Variants in LDB2 observed in about 807,000 individuals in gnomAD.
The protein encoded by LDB2 is LIM domain-binding protein 2.
Under a neutral mutation model 44.3 loss-of-function variants are expected in LDB2, and 12 were observed. The ratio of observed to expected loss-of-function variants is 0.27; its 90% CI spans 0.17 to 0.44. The LOEUF (loss-of-function observed/expected upper bound fraction) is 0.44, where lower values mean the gene tolerates loss of function less well. Ranked by LOEUF, LDB2 falls within the 20% of genes least tolerant of loss-of-function variation. The pLI is 1.00. For synonymous variants in LDB2, 164 were observed against 174.8 expected (o/e 0.94, Z 0.49); for missense variants, 344 against 473.5 (o/e 0.73, Z 2.54).
At position 16,817,292 on chromosome 4, in the gene LDB2, C is replaced by G. The variant is rs368117744; in HGVS notation, c.133-58032G>C. ...TAGAGAGATATAATTCCTATTCTCC[C>G]CAGTCTTCCGCATGATTTGATGTCA... On this transcript the variant is annotated intron_variant, in intron 1 of 7. Transcript: ENST00000304523. 1.6e-4 allele frequency among the ~76,000 whole-genome samples: 25 copies of G among 152,300 alleles called. No homozygotes were observed. In the Middle Eastern group the frequency reaches 0.01, roughly 62 times the overall value.
intron 2 of LDB2, among the ~76,000 whole-genome samples, chr4:16,669,693 G>C (rs567595509): frequency 5.9e-5 from 9 of 152,314 alleles, no homozygotes; most frequent in Non-Finnish European, 1.0e-4. Context: ...ATACTAATTA[G>C]TGACAGAGCC....
intron 2 of LDB2, among the ~76,000 whole-genome samples, chr4:16,694,506 CA>C (rs1468377122): frequency 6.6e-6 from 1 of 152,230 alleles, no homozygotes; most frequent in Non-Finnish European, 1.5e-5. Context: ...CAAAGCACAA[CA>C]GACTAAATTA....
chr4:16,808,542 C>CTG (rs1779207868), intron 1 of LDB2, among the ~76,000 whole-genome samples: 9 of 152,178 alleles, frequency 5.9e-5, no homozygotes, highest in African/African-American at 2.2e-4. Flanking sequence ...TTTCAATATA[C>CTG]CTTAAAACTG....
chr4:16,735,776 T>G (rs1179458515), intron 2 of LDB2, among the ~76,000 whole-genome samples: 1 of 152,170 alleles, frequency 6.6e-6, no homozygotes, highest in Non-Finnish European at 1.5e-5. Context: ...TACCTTCAGA[T>G]TAGTAAGCAC....
At chr4:16,867,103 A>G (rs1714979075) in intron 1 of LDB2, among the ~76,000 whole-genome samples, 1 of 152,162 alleles carries the variant, frequency 6.6e-6, no homozygotes, top group Non-Finnish European at 1.5e-5. Flanking sequence ...CCCAGCCTCC[A>G]TGCTGTGGGG....
chr4:16,673,404 C>T (rs1179128268), intron 2 of LDB2, among the ~76,000 whole-genome samples: 1 of 152,176 alleles, frequency 6.6e-6, no homozygotes, highest in Admixed American at 6.5e-5. Flanking sequence ...GTTACTCCTG[C>T]TGCTTCCGTG....
chr4:16,617,868 G>A (rs148365499), intron 2 of LDB2, among the ~76,000 whole-genome samples: 178 of 152,254 alleles, frequency 1.2e-3, no homozygotes, highest in African/African-American at 4.0e-3. Context: ...CACTAACCTG[G>A]CCTGTATTGA....
chr4:16,770,231 A>G (rs1770358386), intron 1 of LDB2, among the ~76,000 whole-genome samples: 1 of 152,178 alleles, frequency 6.6e-6, no homozygotes, highest in African/African-American at 2.4e-5. Context: ...TGTGTTTTAC[A>G]TGCACAGTAT....
intron 2 of LDB2, chr4:16,674,125 T>G: frequency 1.4e-6 from 1 of 703,232 alleles, no homozygotes. Context: ...AAGATTTCCC[T>G]GAGAATATTT....
At chr4:16,508,330 C>T (rs192529461) in intron 7 of LDB2, among the ~76,000 whole-genome samples, 2 of 152,290 alleles carry the variant, frequency 1.3e-5, no homozygotes, top group African/African-American at 4.8e-5. Context: ...ATATTCCTTT[C>T]TAATTCCCAG....
chr4:16,714,836 G>A (rs549751433), intron 2 of LDB2, among the ~76,000 whole-genome samples: 10 of 151,878 alleles, frequency 6.6e-5, no homozygotes, highest in Admixed American at 3.9e-4. Context: ...TGGCTTTCTC[G>A]TGGTCTTCCC....
chr4:16,772,944 G>A (rs1010866674), intron 1 of LDB2, among the ~76,000 whole-genome samples: 1 of 152,256 alleles, frequency 6.6e-6, no homozygotes, highest in African/African-American at 2.4e-5. Context: ...CCAAGACACA[G>A]ACAGAAGCCT....
chr4:16,710,763 C>T (rs1022961799), intron 2 of LDB2, among the ~76,000 whole-genome samples: 1 of 152,174 alleles, frequency 6.6e-6, no homozygotes, highest in African/African-American at 2.4e-5. Flanking sequence ...TATTGTTAGG[C>T]CAAGGGTCAT....
At chr4:16,687,451 C>CTTGG (rs1184034201) in intron 2 of LDB2, among the ~76,000 whole-genome samples, 4 of 152,186 alleles carry the variant, frequency 2.6e-5, no homozygotes, top group Non-Finnish European at 4.4e-5. Context: ...GCACCTTGAT[C>CTTGG]TTGGACTTCC....
intron 1 of LDB2, among the ~76,000 whole-genome samples, chr4:16,862,113 T>C (rs919532744): frequency 7.2e-5 from 11 of 152,182 alleles, no homozygotes; most frequent in African/African-American, 2.7e-4. Context: ...TATCTTCCTG[T>C]TCCAAGGAGA....
chr4:16,679,740 G>A (rs183847578), intron 2 of LDB2, among the ~76,000 whole-genome samples: 29 of 152,260 alleles, frequency 1.9e-4, no homozygotes, highest in African/African-American at 7.0e-4. Context: ...GAGAGTGTTC[G>A]TAAAGGAGGA....
intron 5 of LDB2, among the ~76,000 whole-genome samples, chr4:16,569,320 A>G (rs1288484108): frequency 6.6e-6 from 1 of 152,228 alleles, no homozygotes; most frequent in Non-Finnish European, 1.5e-5. Flanking sequence ...TTGAACGGAA[A>G]AGGGGTTGCT....
At chr4:16,820,151 T>A (rs1331550416) in intron 1 of LDB2, among the ~76,000 whole-genome samples, 1 of 152,216 alleles carries the variant, frequency 6.6e-6, no homozygotes, top group Non-Finnish European at 1.5e-5. Context: ...TAAGATATTG[T>A]TTACTCAAAA....
At chr4:16,629,488 C>T (rs867552700) in intron 2 of LDB2, among the ~76,000 whole-genome samples, 1 of 152,112 alleles carries the variant, frequency 6.6e-6, no homozygotes, top group African/African-American at 2.4e-5. Flanking sequence ...CCCACGCAAA[C>T]AGGGCCTGGA....
Sources: gnomAD v4.1 joint callset for allele counts (sites outside exome capture counted in the v4.1 genomes callset) on GRCh38, gnomAD v4.1.1 for gene constraint, MANE v1.5 for transcripts, NCBI Gene and HGNC (gene_info 2026-07-23, HGNC 2026-07-21) for gene names.